The following PKIB variants were observed in gnomAD, a reference collection of about 807,000 sequenced individuals.
PKIB encodes the protein cAMP-dependent protein kinase inhibitor beta.
PKIB carries 2 observed loss-of-function variants against 4.5 expected under a neutral mutation model. The ratio of observed to expected loss-of-function variants is 0.44; its 90% CI spans 0.18 to 1.39. The LOEUF (loss-of-function observed/expected upper bound fraction) is 1.39, where lower values mean the gene tolerates loss of function less well. Ranked by LOEUF, PKIB falls within the 40% of genes most tolerant of loss-of-function variation. The pLI is 0.27. For missense variants in PKIB, 94 were observed against 92.6 expected (o/e 1.02, Z -0.06); for synonymous variants, 38 against 36.0 (o/e 1.06, Z -0.20).
At chr6:122,489,286 T>C (rs1775871938) in intron 2 of PKIB, among the ~76,000 whole-genome samples, 1 of 151,962 alleles carries the variant, frequency 6.6e-6, no homozygotes, top group African/African-American at 2.4e-5. Flanking sequence ...CTTGCTTTGT[T>C]GCCCAGGCTG....
At position 122,726,168 on chromosome 6, in the gene PKIB, A is replaced by T. The variant is rs1779944232; in HGVS notation, c.*973A>T. ...CATATATTTTAAAAGGAGCAAAAAT[A>T]AAACCAAAGTGTTAGTAAATTTTGA... On this transcript the variant is annotated 3_prime_UTR_variant, in exon 5 of 5. Transcript: ENST00000368452. The T allele has an allele frequency of 6.6e-6, 1 of 152,172 alleles. No individual in the cohort carries two copies. The highest frequency in any genetic ancestry group is 2.4e-5 in the African/African-American group (1 of 41,454). The allele number at this position is 152,172 out of a possible 1,614,324, so 9.4% of individuals were successfully genotyped here.
chr6:122,479,534 A>C (rs1210402632), intron 2 of PKIB: 1 of 152,238 alleles, frequency 6.6e-6, no homozygotes, highest in African/African-American at 2.4e-5. Flanking sequence ...AAATGAGAGT[A>C]CAATGCATTT....
At chr6:122,541,747 A>G (rs1194345078) in intron 2 of PKIB, among the ~76,000 whole-genome samples, 2 of 151,716 alleles carry the variant, frequency 1.3e-5, no homozygotes, top group Admixed American at 1.3e-4. Flanking sequence ...TAGATTGGGG[A>G]CGTTCTCCTG....
At chr6:122,653,946 A>G (rs1776672099) in intron 2 of PKIB, among the ~76,000 whole-genome samples, 1 of 152,194 alleles carries the variant, frequency 6.6e-6, no homozygotes, top group South Asian at 2.1e-4. Context: ...CAACAGAGAG[A>G]GACTCTGTCT....
chr6:122,475,280 T>C (rs570272858), intron 1 of PKIB, among the ~76,000 whole-genome samples: 2 of 152,306 alleles, frequency 1.3e-5, no homozygotes, highest in East Asian at 3.9e-4. Flanking sequence ...AATAATAATT[T>C]TATTTTCAGA....
Position 122,684,570 on chromosome 6 carries a change from C to T in PKIB, c.-9+9426C>T, listed in dbSNP as rs188123665. 7.2e-5 allele frequency among the ~76,000 whole-genome samples: 11 copies of T among 152,090 alleles called. No homozygotes were observed. In the East Asian group the frequency reaches 1.9e-3, roughly 27 times the overall value. On this transcript the variant is annotated intron_variant, in intron 3 of 4. Transcript: ENST00000368452. ...TATTCTTGAAAAAAATTATAGAAAC[C>T]ACCATTATCTTATAAGTTTGCCCTA...
chr6:122,725,325 A>G lies in PKIB; in HGVS notation c.*130A>G. 1.4e-6 allele frequency: 1 copy of G among 702,636 alleles called. No individual in the cohort carries two copies. Among genetic ancestry groups the G allele is most frequent in the South Asian group, 2.0e-5 (1 of 49,740 alleles). 43.5% of individuals were successfully genotyped at this position (702,636 alleles called of 1,614,324 possible). On this transcript the variant is annotated 3_prime_UTR_variant, in exon 5 of 5. Coordinates refer to ENST00000368452, the MANE Select transcript of PKIB (RefSeq NM_181795.3). ...GCCCTAAGCAGCATGTGTATATTAG[A>G]TAATTGTGTTGTGATGCTACTCACT... is the stretch of plus-strand genomic sequence containing the variant.
chr6:122,518,843 A>T (rs1343173119), intron 2 of PKIB, among the ~76,000 whole-genome samples: 1 of 152,208 alleles, frequency 6.6e-6, no homozygotes, highest in East Asian at 1.9e-4. Flanking sequence ...CTGTTAAAAT[A>T]CACTCAAATA....
At chr6:122,685,101 G>A (rs1475606424) in intron 3 of PKIB, among the ~76,000 whole-genome samples, 1 of 152,144 alleles carries the variant, frequency 6.6e-6, no homozygotes, top group Non-Finnish European at 1.5e-5. Context: ...CCCGGTCATA[G>A]ACAGTGATAG....
At chr6:122,556,369 A>T (rs1348390255) in intron 2 of PKIB, among the ~76,000 whole-genome samples, 1 of 152,162 alleles carries the variant, frequency 6.6e-6, no homozygotes, top group African/African-American at 2.4e-5. Flanking sequence ...AATACACAGG[A>T]CAAGTTACTG....
chr6:122,678,478 T>A (rs1777770779), intron 3 of PKIB, among the ~76,000 whole-genome samples: 1 of 152,218 alleles, frequency 6.6e-6, no homozygotes, highest in Non-Finnish European at 1.5e-5. Flanking sequence ...TTAGTTTGTT[T>A]CTTTTTTTTA....
chr6:122,582,361 G>C (rs1436576020), intron 2 of PKIB, among the ~76,000 whole-genome samples: 2 of 152,020 alleles, frequency 1.3e-5, no homozygotes, highest in East Asian at 1.9e-4. Flanking sequence ...TGTGGCTACT[G>C]TTTAACAACC....
At chr6:122,542,629 T>TG (rs1260628156) in intron 2 of PKIB, among the ~76,000 whole-genome samples, 4 of 152,016 alleles carry the variant, frequency 2.6e-5, no homozygotes, top group Non-Finnish European at 5.9e-5. Context: ...CTGCCCCTAC[T>TG]GGGGGGTGCC....
intron 2 of PKIB, among the ~76,000 whole-genome samples, chr6:122,666,799 T>A (rs1777236952): frequency 6.6e-6 from 1 of 152,214 alleles, no homozygotes; most frequent in Non-Finnish European, 1.5e-5. Context: ...AAAAGTATAT[T>A]TCTTTTTGTT....
upstream of PKIB, among the ~76,000 whole-genome samples, chr6:122,606,281 G>A (rs1289957848): frequency 6.6e-6 from 1 of 152,180 alleles, no homozygotes; most frequent in Non-Finnish European, 1.5e-5. Flanking sequence ...GCCATTAAAA[G>A]CTAGAAGAGG....
In PKIB at chr6:122,709,463, A is replaced by G. The variant is rs975891828; in HGVS notation, c.-8-8324A>G. 4.0e-5 allele frequency among the ~76,000 whole-genome samples: 6 copies of G among 150,602 alleles called. No homozygotes were observed. In the East Asian group the frequency reaches 1.2e-3, roughly 30 times the overall value. Reference sequence around the variant, plus strand: ...AAGTAGCTGAAGTCATTCTTAGTACAAAGAGATGGGATCAAGTGGGAGTTT... The same window carrying G: ...AAGTAGCTGAAGTCATTCTTAGTACGAAGAGATGGGATCAAGTGGGAGTTT... On this transcript the variant is annotated intron_variant, in intron 3 of 4. Coordinates refer to ENST00000368452, the MANE Select transcript of PKIB (RefSeq NM_181795.3).
At chr6:122,510,560 G>A (rs534598465) in intron 2 of PKIB, among the ~76,000 whole-genome samples, 2 of 152,262 alleles carry the variant, frequency 1.3e-5, no homozygotes, top group East Asian at 3.9e-4. Flanking sequence ...GATGGGAGAT[G>A]GGAGCTCGGG....
intron 2 of PKIB, among the ~76,000 whole-genome samples, chr6:122,646,934 C>G (rs957122318): frequency 6.6e-6 from 1 of 152,018 alleles, no homozygotes; most frequent in Non-Finnish European, 1.5e-5. Context: ...TTAATATTTT[C>G]CACTTTTACA....
At chr6:122,526,553 G>A (rs1204528053) in intron 2 of PKIB, among the ~76,000 whole-genome samples, 1 of 152,054 alleles carries the variant, frequency 6.6e-6, no homozygotes, top group Non-Finnish European at 1.5e-5. Flanking sequence ...AGATGACTAG[G>A]AGTATTGTCA....
Sources: allele counts gnomAD v4.1 joint callset (sites outside exome capture counted in the v4.1 genomes callset), GRCh38; gene constraint gnomAD v4.1.1; transcripts MANE v1.5; gene names NCBI Gene and HGNC (gene_info 2026-07-23, HGNC 2026-07-21).